The following RBM45 variants were observed in gnomAD, a reference collection of about 807,000 sequenced individuals.
The protein encoded by RBM45 is RNA-binding protein 45.
In RBM45, 39 loss-of-function variants were observed where a neutral mutation model predicts 58.5. The observed-to-expected ratio is 0.67, with a 90% confidence interval of 0.52 to 0.87. The LOEUF (loss-of-function observed/expected upper bound fraction) is 0.87, where lower values mean the gene tolerates loss of function less well. Among genes scored for constraint, RBM45 ranks in the 40% least tolerant of loss-of-function variants. The pLI is 0.00. For synonymous variants in RBM45, 193 were observed against 203.0 expected, an observed-to-expected ratio of 0.95 and a Z score of 0.42; for missense variants, 481 against 581.6, an observed-to-expected ratio of 0.83 and a Z score of 1.78.
intron 4 of RBM45, 46 bp downstream of exon 4, chr2:178,120,455 A>C (rs1002569477): frequency 6.6e-7 from 1 of 1,525,646 alleles, no homozygotes; most frequent in Admixed American, 2.2e-5. Context: ...TAGTATATGC[A>C]ATCTAATTTG....
intron 8 of RBM45, 55 bp from the exon 9 acceptor site, chr2:178,125,929 C>A (rs1457791986): frequency 2.8e-6 from 4 of 1,449,284 alleles, no homozygotes; most frequent in African/African-American, 1.4e-5. Flanking sequence ...AAATTTTAGA[C>A]CTGAGCAGTT....
chr2:178,122,970 G>A (rs540103615), intron 5 of RBM45, among the ~76,000 whole-genome samples: 3 of 152,188 alleles, frequency 2.0e-5, no homozygotes, highest in South Asian at 2.1e-4. Flanking sequence ...ATTGAAATTC[G>A]TCCCTTTGGC....
At chr2:178,115,316 A>T (rs1301718644) in intron 1 of RBM45, among the ~76,000 whole-genome samples, 1 of 152,170 alleles carries the variant, frequency 6.6e-6, no homozygotes, top group East Asian at 1.9e-4. Context: ...AGTCCTCTAA[A>T]ATATAGAAAT....
intron 9 of RBM45, among the ~76,000 whole-genome samples, chr2:178,128,115 C>T (rs1157113112): frequency 6.7e-6 from 1 of 149,846 alleles, no homozygotes; most frequent in African/African-American, 2.5e-5. Flanking sequence ...AAGCAGTCCT[C>T]ACAGCTCAGC....
intron 1 of RBM45, among the ~76,000 whole-genome samples, chr2:178,115,549 G>A (rs2087760017): frequency 6.6e-6 from 1 of 152,180 alleles, no homozygotes; most frequent in African/African-American, 2.4e-5. Flanking sequence ...ATAACTAGAA[G>A]TAGACTATAA....
chr2:178,126,943 C>CT (rs999019346), intron 9 of RBM45, among the ~76,000 whole-genome samples: 1 of 151,230 alleles, frequency 6.6e-6, no homozygotes. Context: ...TAAAGTTTGA[C>CT]TTTTTTTTTC....
chr2:178,123,533 G>A lies in RBM45; in HGVS notation c.865G>A (p.Val289Ile), dbSNP rs112485986. 6.3e-7 allele frequency: 1 copy of A among 1,591,894 alleles called. No homozygotes were observed. Among genetic ancestry groups the A allele is most frequent in the Non-Finnish European group, 8.5e-7 (1 of 1,172,200 alleles). The change falls in exon 6 of 10, where the codon GTT becomes ATT. Residue 289 changes from valine (V) to isoleucine (I), a missense_variant. Transcript: ENST00000286070. ...DPYSNYGHGV[V>I]QYFNVASAIY... Reference sequence around the variant, plus strand: ...GTTCTCTATTTTAGGTCATGGAGTGGTTCAGTATTTTAATGTAGCATCAGC... The same window carrying A: ...GTTCTCTATTTTAGGTCATGGAGTGATTCAGTATTTTAATGTAGCATCAGC...
chr2:178,126,130 C>T lies in RBM45; in HGVS notation c.1379C>T (p.Ala460Val). ...GGGGTGAGACTTAAAGTTATGCTGG[C>T]AGATTCGCCAAGAGAAGAATCTAAC... ...LNGVRLKVML[A>V]DSPREESNKR... is the part of the protein sequence containing the mutation. The change falls in exon 9 of 10, where the codon GCA (alanine) becomes GTA (valine). Residue 460 changes from alanine to valine, a missense_variant. Ala to Val is a moderately conservative substitution (Grantham distance 64). Transcript: ENST00000286070. 1.2e-6 allele frequency: 2 copies of T among 1,613,926 alleles called. No individual in the cohort carries two copies. The highest frequency in any genetic ancestry group is 1.7e-6 in the Non-Finnish European group (2 of 1,179,866).
intron 2 of RBM45, among the ~76,000 whole-genome samples, chr2:178,116,652 A>G (rs1001158687): frequency 7.2e-5 from 11 of 152,258 alleles, no homozygotes; most frequent in African/African-American, 2.7e-4. Flanking sequence ...GAAATGAAGC[A>G]TAAAGCTCAG....
At chr2:178,118,787 TAATTA>T (rs1168955658) in intron 3 of RBM45, among the ~76,000 whole-genome samples, 2 of 152,128 alleles carry the variant, frequency 1.3e-5, no homozygotes, top group African/African-American at 4.8e-5. Context: ...ATATGTAGAG[TAATTA>T]AATTACTGGA....
chr2:178,125,894 G>A (rs1376962910), intron 8 of RBM45, 90 bp from the exon 9 acceptor site: 2 of 955,048 alleles, frequency 2.1e-6, no homozygotes, highest in African/African-American at 3.2e-5. Flanking sequence ...GGAGAAGGGT[G>A]AAAATGGAGT....
In RBM45 at chr2:178,121,281, G is replaced by A. The variant is rs1286585153; in HGVS notation, c.775G>A (p.Glu259Lys). ...TGTATCAAGAGTTCCTTTCACTGAA[G>A]AACAGCTTTTCAGCATTTTTGATAT... is the stretch of plus-strand genomic sequence containing the variant. Reference protein sequence around the residue: ...SVVSRVPFTEEQLFSIFDIVP... With the variant: ...SVVSRVPFTEKQLFSIFDIVP... Residue 259 changes from glutamate to lysine, a missense_variant, in exon 5 of 10, where the codon GAA (glutamate) becomes AAA (lysine). Glu to Lys is a moderately conservative substitution (Grantham distance 56). Coordinates refer to ENST00000286070, the MANE Select transcript of RBM45 (RefSeq NM_152945.4). 10 of 1,605,276 alleles carry A rather than the reference G, an allele frequency of 6.2e-6. No homozygotes were observed. The highest frequency in any genetic ancestry group is 1.7e-4 in the Middle Eastern group (1 of 6,060).
chr2:178,136,004 C>T lies in RBM45; in HGVS notation c.*9-459C>T, dbSNP rs536504274. Among the ~76,000 whole-genome samples the T allele has an allele frequency of 2.0e-5, 3 of 152,332 alleles. No individual in the cohort carries two copies. In the East Asian group the frequency reaches 5.8e-4, roughly 29 times the overall value. ...GGCTGACTCCAATTCTGCATTGGAA[C>T]ATGCTGTTAATAAAACAAGATGACA... On this transcript the variant is annotated intron_variant, in intron 3 of 3. Transcript: ENST00000455903.
At chr2:178,127,381 T>C (rs2087947186) in intron 9 of RBM45, among the ~76,000 whole-genome samples, 1 of 151,950 alleles carries the variant, frequency 6.6e-6, no homozygotes, top group Non-Finnish European at 1.5e-5. Flanking sequence ...GAAACCTTTA[T>C]TTTTTTCACT....
exon 4 of RBM45, chr2:178,138,844 G>A (rs2088065395): frequency 6.6e-6 from 1 of 152,034 alleles, no homozygotes; most frequent in South Asian, 2.1e-4. Flanking sequence ...GGCCAAGAAG[G>A]AATGGCAGTT....
chr2:178,120,437 G>C (rs367991233), intron 4 of RBM45, 28 bp downstream of exon 4: 16 of 1,580,734 alleles, frequency 1.0e-5, no homozygotes, highest in African/African-American at 1.4e-5. Flanking sequence ...ACTTTTAATA[G>C]TATAATGTAG....
chr2:178,138,463 T>A (rs2088062531), exon 4 of RBM45: 1 of 152,176 alleles, frequency 6.6e-6, no homozygotes, highest in African/African-American at 2.4e-5. Context: ...ATTTTAAAAG[T>A]CACAAGACTG....
chr2:178,124,956 G>A (rs541616747), intron 8 of RBM45, among the ~76,000 whole-genome samples: 1 of 152,184 alleles, frequency 6.6e-6, no homozygotes, highest in East Asian at 1.9e-4. Flanking sequence ...AAAAGGGAAG[G>A]TTCTTATTTA....
At chr2:178,116,128 C>CG in intron 1 of RBM45, 134 bp from the exon 2 acceptor site, 2 of 1,074,336 alleles carry the variant, frequency 1.9e-6, no homozygotes, top group South Asian at 3.7e-5. Context: ...CTGCAGCCTG[C>CG]TTTTTTTTTT....
Sources: allele counts gnomAD v4.1 joint callset (sites outside exome capture counted in the v4.1 genomes callset), GRCh38; gene constraint gnomAD v4.1.1; transcripts MANE v1.5; gene names NCBI Gene and HGNC (gene_info 2026-07-23, HGNC 2026-07-21).